MYO15A: variants seen among roughly 807,000 people sequenced by gnomAD.
The protein encoded by MYO15A is unconventional myosin-XV.
MYO15A carries 308 observed loss-of-function variants against 394.6 expected under a neutral mutation model. That is an observed-to-expected ratio of 0.78 (90% CI 0.71 to 0.86). MYO15A has a LOEUF of 0.86. Ranked by LOEUF, MYO15A falls within the 40% of genes least tolerant of loss-of-function variation. The pLI is 0.00. For missense variants in MYO15A, 4,606 were observed against 4,799.1 expected (o/e 0.96, Z 1.19); for synonymous variants, 1,957 against 2,003.8 (o/e 0.98, Z 0.62).
chr17:18,140,994 A>G (rs770316633), intron 21 of MYO15A, 25 bp from the exon 22 acceptor site: 1 of 1,613,246 alleles, frequency 6.2e-7, no homozygotes, highest in Admixed American at 1.7e-5. Context: ...CAATGTGCAG[A>G]CTCCCTCTCT....
chr17:18,138,797 T>A lies in MYO15A; in HGVS notation c.5008-14T>A. The A allele has an allele frequency of 6.2e-7, 1 of 1,613,498 alleles. No homozygotes were observed. The highest frequency in any genetic ancestry group is 8.5e-7 in the Non-Finnish European group (1 of 1,179,812). On this transcript the variant is annotated splice_polypyrimidine_tract_variant and intron_variant, in intron 17 of 65. Coordinates refer to ENST00000647165, the MANE Select transcript of MYO15A (RefSeq NM_016239.4). Reference sequence around the variant, plus strand: ...GGCCTCCTGCCCACCCACTGATCCCTAAATTGCCCCCAGGCTACAGACCAC... The same window carrying A: ...GGCCTCCTGCCCACCCACTGATCCCAAAATTGCCCCCAGGCTACAGACCAC...
chr17:18,112,678 G>A (rs1256640853), intron 1 of MYO15A, among the ~76,000 whole-genome samples: 2 of 152,168 alleles, frequency 1.3e-5, no homozygotes, highest in African/African-American at 4.8e-5. Context: ...GAAGTGCTGG[G>A]ACTACAGGTG....
chr17:18,124,394 T>C, intron 2 of MYO15A, 89 bp from the exon 3 acceptor site: 1 of 1,369,700 alleles, frequency 7.3e-7, no homozygotes, highest in Non-Finnish European at 1.0e-6. Flanking sequence ...CCAACAATGG[T>C]AGCAGGCCCC....
At chr17:18,156,417 CTG>C (rs2046676600) in intron 48 of MYO15A, 81 bp downstream of exon 48, 2 of 1,483,802 alleles carry the variant, frequency 1.3e-6, no homozygotes, top group South Asian at 1.2e-5. Context: ...GGAAATATGA[CTG>C]TGTCCATAGA....
At position 18,127,112 on chromosome 17, in the gene MYO15A, C is replaced by T. The variant is rs146245515; in HGVS notation, c.3979C>T (p.Leu1327=). 1.1e-3 allele frequency: 1,842 copies of T among 1,614,030 alleles called. 11 individuals carry two copies. The Middle Eastern group carries it at 0.013, about 11-fold the overall frequency. ...SGSGKTEATK[L]ILRYLAAMNQ... ...CTCTGGCAAAACTGAGGCCACCAAG[C>T]TGATTCTGCGCTACCTGGCCGCCAT... The change falls in exon 7 of 66, where the codon CTG becomes TTG. Residue 1327 remains leucine (L), a synonymous_variant. Transcript: ENST00000647165.
rs781182875 is a variant in MYO15A, at chr17:18,148,036, T to A, written c.6517T>A (p.Ser2173Thr). ...CFNKYLLKFV[S>T]DYGRNGFQAV... The stretch of plus-strand genomic sequence containing the variant: ...CCAACTCCTACCCATCAGGTTTGTG[T>A]CTGATTATGGGCGGAATGGCTTCCA... The change falls in exon 31 of 66, where the codon TCT becomes ACT. Residue 2173 changes from serine to threonine, a missense_variant. By Grantham distance (58) the Ser-to-Thr change is moderately conservative (BLOSUM62 1). This residue lies in a region of MYO15A where 2,776 missense variants were observed against 3,109.3 expected (regional missense o/e 0.89). Coordinates refer to ENST00000647165, the MANE Select transcript of MYO15A (RefSeq NM_016239.4). This position sits in a 1 kb window ranked among gnomAD's most constrained non-coding sequence, Gnocchi z 4.8. 4 of 1,614,106 alleles carry A rather than the reference T, an allele frequency of 2.5e-6. No individual in the cohort carries two copies. Among genetic ancestry groups the A allele is most frequent in the East Asian group, 4.5e-5 (2 of 44,876 alleles).
intron 57 of MYO15A, 124 bp from the exon 58 acceptor site, chr17:18,162,461 G>T: frequency 2.5e-6 from 2 of 815,230 alleles, no homozygotes; most frequent in Middle Eastern, 3.1e-4. Context: ...TCAAATGGGG[G>T]AGTAAATGCC....
At chr17:18,178,003 A>T (rs917320853) in intron 65 of MYO15A, 2 of 153,786 alleles carry the variant, frequency 1.3e-5, no homozygotes, top group Non-Finnish European at 2.9e-5. Flanking sequence ...TGTGGGAGCC[A>T]GGCGGTAACC....
In MYO15A at chr17:18,166,484, T is replaced by C; in HGVS notation, c.9911T>C (p.Phe3304Ser). The C allele has an allele frequency of 6.2e-7, 1 of 1,613,938 alleles. No individual in the cohort carries two copies. Among genetic ancestry groups the C allele is most frequent in the Non-Finnish European group, 8.5e-7 (1 of 1,180,020 alleles). Residue 3304 changes from phenylalanine (F) to serine (S), a missense_variant, in exon 61 of 66, where the codon TTC becomes TCC. Transcript: ENST00000647165. ...GTGCTCTGGGATCAGCCACTCAAGT[T>C]CGAGAATGAGCTATATGTGACCATG... ...RRVLWDQPLK[F>S]ENELYVTMHY...
At position 18,133,235 on chromosome 17, in the gene MYO15A, G is replaced by C; in HGVS notation, c.4331G>C (p.Cys1444Ser). ...TYYYLNQGGN[C>S]EIAGKSDADD... ...TCTGCCCTCATGCAGGGTGGGAACT[G>C]TGAGATAGCAGGAAAGAGCGATGCA... is the stretch of plus-strand genomic sequence containing the variant. Residue 1444 changes from cysteine to serine, a missense_variant, in exon 12 of 66, where the codon TGT becomes TCT. By Grantham distance (112) the Cys-to-Ser change is moderately radical. Coordinates refer to ENST00000647165, the MANE Select transcript of MYO15A (RefSeq NM_016239.4). 6.2e-7 allele frequency: 1 copy of C among 1,614,104 alleles called. No individual in the cohort carries two copies. The highest frequency in any genetic ancestry group is 8.5e-7 in the Non-Finnish European group (1 of 1,180,008).
rs747303031 is a variant in MYO15A, at chr17:18,144,501, C to T, written c.6182C>T (p.Pro2061Leu). ...TGTGCCTGCCCTGTGTCTTAGGAACCTGCCTTTGGGATGCTGACAGTGCCC... is the reference window on the plus strand; with the variant it reads ...TGTGCCTGCCCTGTGTCTTAGGAACTTGCCTTTGGGATGCTGACAGTGCCC... ...AKFVQCHFKE[P>L]AFGMLTVPLR... The change falls in exon 29 of 66, where the codon CCT becomes CTT. Residue 2061 changes from proline (P) to leucine (L), a missense_variant. Around this residue, in one of 2 missense-constraint regions of MYO15A, gnomAD observed 2,776 missense variants for 3,109.3 expected, o/e 0.89. Transcript: ENST00000647165. 1.2e-6 allele frequency: 2 copies of T among 1,613,404 alleles called. No individual in the cohort carries two copies. Among genetic ancestry groups the T allele is most frequent in the Admixed American group, 3.3e-5 (2 of 60,028 alleles).
chr17:18,138,523 A>G (rs1416312144), intron 17 of MYO15A, among the ~76,000 whole-genome samples: 1 of 152,232 alleles, frequency 6.6e-6, no homozygotes, highest in Non-Finnish European at 1.5e-5. Flanking sequence ...TGCAAAACAC[A>G]AGGGTGGAAT....
intron 12 of MYO15A, 118 bp from the exon 13 acceptor site, chr17:18,135,593 A>G (rs2046251159): frequency 1.1e-6 from 1 of 934,996 alleles, no homozygotes; most frequent in Non-Finnish European, 1.7e-6. Context: ...CACCCGCCTC[A>G]GCCTCCCAAA....
In MYO15A at chr17:18,155,141, G is replaced by A; in HGVS notation, c.8256G>A (p.Leu2752=). The A allele has an allele frequency of 6.2e-7, 1 of 1,613,928 alleles. No individual in the cohort carries two copies. Among genetic ancestry groups the A allele is most frequent in the Non-Finnish European group, 8.5e-7 (1 of 1,180,012 alleles). Residue 2752 remains leucine (L), a synonymous_variant, in exon 46 of 66, where the codon CTG becomes CTA. Coordinates refer to ENST00000647165, the MANE Select transcript of MYO15A (RefSeq NM_016239.4). Reference sequence around the variant, plus strand: ...ACCAGCTGGACACACAGAAGCCTCTGGTAACGGAAAGCGTGAAGCGGGCCG... The same window carrying A: ...ACCAGCTGGACACACAGAAGCCTCTAGTAACGGAAAGCGTGAAGCGGGCCG... ...AQNQLDTQKP[L]VTESVKRAVV...
rs1459406061 is a variant in MYO15A, at chr17:18,139,591, T to C, written c.5191T>C (p.Phe1731Leu). 1 of 1,614,018 alleles carries C rather than the reference T, an allele frequency of 6.2e-7. No individual in the cohort carries two copies. The highest frequency in any genetic ancestry group is 1.7e-5 in the Admixed American group (1 of 60,016). ...DQVRQDVLDLFVRSRTRVVAH... is the reference protein window; with the variant it reads ...DQVRQDVLDLLVRSRTRVVAH... ...AGTGCGCCAGGATGTGCTGGACCTG[T>C]TCGTACGGAGCCGGACACGGGTAAG... Residue 1731 changes from phenylalanine (F) to leucine (L), a missense_variant, in exon 19 of 66, where the codon TTC becomes CTC. By Grantham distance (22) the Phe-to-Leu change is conservative. Around this residue, in one of 2 missense-constraint regions of MYO15A, gnomAD observed 2,776 missense variants for 3,109.3 expected, o/e 0.89. Transcript: ENST00000647165.
chr17:18,119,201 TC>T lies in MYO15A; in HGVS notation c.402del (p.Asn135ThrfsTer309). On this transcript the variant is annotated frameshift_variant, in exon 2 of 66. Coordinates refer to ENST00000647165, the MANE Select transcript of MYO15A (RefSeq NM_016239.4). LOFTEE classifies it high-confidence loss of function. ...ARSLSKASTA[I>X]NWLTKKFLLK... ...TCACTCAGCAAAGCGTCCACGGCCA[TC>T]AACTGGCTCACAAAAAAGTTCCTCC... The T allele has an allele frequency of 6.2e-7, 1 of 1,612,464 alleles. No homozygotes were observed. The highest frequency in any genetic ancestry group is 1.3e-5 in the African/African-American group (1 of 75,034).
rs577502472 is a variant in MYO15A, at chr17:18,121,909, G to T, written c.3109G>T (p.Asp1037Tyr). Reference sequence around the variant, plus strand: ...GCCTCCAACCCCAGCACCTCCCAAGGATGTCACTCCCCCCAAGGATATCAC... The same window carrying T: ...GCCTCCAACCCCAGCACCTCCCAAGTATGTCACTCCCCCCAAGGATATCAC... ...TKPPTPAPPK[D>Y]VTPPKDITPP... The change falls in exon 2 of 66, where the codon GAT becomes TAT. Residue 1037 changes from aspartate to tyrosine, a missense_variant. Around this residue, in one of 2 missense-constraint regions of MYO15A, gnomAD observed 1,830 missense variants for 1,689.7 expected, o/e 1.08. Transcript: ENST00000647165. The surrounding 1 kb of genome is among the most constrained non-coding windows in gnomAD (Gnocchi z 5.3). The T allele has an allele frequency of 6.2e-7, 1 of 1,613,184 alleles. No homozygotes were observed. The highest frequency in any genetic ancestry group is 1.1e-5 in the South Asian group (1 of 91,082).
rs746752431 is a variant in MYO15A at position 18,145,967 on chromosome 17, G to A, written c.6369G>A (p.Leu2123=). 2 of 1,613,742 alleles carry A rather than the reference G, an allele frequency of 1.2e-6. No individual in the cohort carries two copies. Among genetic ancestry groups the A allele is most frequent in the Non-Finnish European group, 1.7e-6 (2 of 1,180,026 alleles). The change falls in exon 30 of 66, where the codon CTG becomes CTA. Residue 2123 remains leucine (L), a synonymous_variant. Transcript: ENST00000647165. ...AGAAGGGGCTGGCGGTGCCTGAGCTGCGGGATGAGATCCTGGCACAGCTGG... is the reference window on the plus strand; with the variant it reads ...AGAAGGGGCTGGCGGTGCCTGAGCTACGGGATGAGATCCTGGCACAGCTGG... ...IVQKGLAVPE[L]RDEILAQLAN... is the part of the protein sequence containing the mutation.
At chr17:18,124,646 G>T (rs2046000214) in intron 3 of MYO15A, 81 bp downstream of exon 3, 6 of 1,356,076 alleles carry the variant, frequency 4.4e-6, no homozygotes, top group African/African-American at 2.9e-5. Flanking sequence ...TCCTCCTGCA[G>T]TTGCCTCTCA....
Sources: allele counts gnomAD v4.1 joint callset (sites outside exome capture counted in the v4.1 genomes callset), GRCh38; gene constraint gnomAD v4.1.1; regional missense constraint gnomAD v4.1.1; non-coding constraint Gnocchi (gnomAD v3.1); transcripts MANE v1.5; gene names NCBI Gene and HGNC (gene_info 2026-07-23, HGNC 2026-07-21).